MYO3A: variants seen among roughly 807,000 people sequenced by gnomAD.
The protein encoded by MYO3A is myosin IIIA.
MYO3A carries 180 observed loss-of-function variants against 192.7 expected under a neutral mutation model. The ratio of observed to expected loss-of-function variants is 0.93; its 90% confidence interval spans 0.83 to 1.06. The LOEUF (loss-of-function observed/expected upper bound fraction) is 1.06. MYO3A is among the 50% of genes least tolerant of loss of function. The probability of loss-of-function intolerance (pLI) is 0.00; values close to 1 mark genes in which losing one functional copy is unlikely to be tolerated. For synonymous variants in MYO3A, 628 were observed against 645.3 expected (o/e 0.97, Z 0.41); for missense variants, 1,896 against 1,905.0 (o/e 1.00, Z 0.09).
chr10:26,174,480 A>G lies in MYO3A; in HGVS notation c.4216A>G (p.Ile1406Val), dbSNP rs751164801. Reference sequence around the variant, plus strand: ...CACAAAACATGAGGAAATCAATAACATCAAGAAGAAGGATAACAAAGACTC... The same window carrying G: ...CACAAAACATGAGGAAATCAATAACGTCAAGAAGAAGGATAACAAAGACTC... ...YPTKHEEINN[I>V]KKKDNKDSKA... The change falls in exon 30 of 35, where the codon ATC (isoleucine) becomes GTC (valine). Residue 1406 changes from isoleucine to valine, a missense_variant. Ile to Val is a conservative substitution (Grantham distance 29). Coordinates refer to ENST00000642920, the MANE Select transcript of MYO3A (RefSeq NM_017433.5). The G allele has an allele frequency of 1.2e-6, 2 of 1,614,188 alleles. No homozygotes were observed. The highest frequency in any genetic ancestry group is 1.1e-5 in the South Asian group (1 of 91,056).
intron 20 of MYO3A, 151 bp from the exon 21 acceptor site, chr10:26,143,297 C>T (rs2131844665): frequency 1.3e-6 from 1 of 755,800 alleles, no homozygotes; most frequent in South Asian, 1.7e-5. Context: ...CGCCAATATA[C>T]TCCAGCCTGG....
At chr10:26,037,749 G>A (rs1213203726) in intron 10 of MYO3A, among the ~76,000 whole-genome samples, 2 of 152,134 alleles carry the variant, frequency 1.3e-5, no homozygotes, top group Non-Finnish European at 2.9e-5. Context: ...GAGACCTCAG[G>A]AGACTTACCA....
intron 5 of MYO3A, 67 bp from the exon 6 acceptor site, chr10:25,997,091 AC>A: frequency 8.4e-7 from 1 of 1,188,430 alleles, no homozygotes; most frequent in Non-Finnish European, 1.3e-6. Flanking sequence ...TTGTACAGGT[AC>A]ATCATCTGAA....
At chr10:26,018,535 T>C (rs1842103263) in intron 7 of MYO3A, among the ~76,000 whole-genome samples, 1 of 152,190 alleles carries the variant, frequency 6.6e-6, no homozygotes, top group Admixed American at 6.5e-5. Context: ...AAATCAATTA[T>C]CACTTGAAAA....
At chr10:25,963,414 A>G (rs905039266) in intron 4 of MYO3A, among the ~76,000 whole-genome samples, 1 of 152,208 alleles carries the variant, frequency 6.6e-6, no homozygotes, top group Non-Finnish European at 1.5e-5. Flanking sequence ...AATGATAGAA[A>G]GAAGATAAGT....
chr10:26,086,690 A>G (rs372544676), intron 14 of MYO3A, among the ~76,000 whole-genome samples: 1 of 151,982 alleles, frequency 6.6e-6, no homozygotes, highest in Non-Finnish European at 1.5e-5. Context: ...TTGCCCATCA[A>G]CCACCCTCTC....
At chr10:26,191,048 G>A (rs1843101225) in intron 31 of MYO3A, among the ~76,000 whole-genome samples, 1 of 152,006 alleles carries the variant, frequency 6.6e-6, no homozygotes, top group African/African-American at 2.4e-5. Flanking sequence ...TAATATTGAA[G>A]CCAAGTTAAA....
intron 31 of MYO3A, among the ~76,000 whole-genome samples, chr10:26,181,514 T>C (rs763437949): frequency 1.3e-5 from 2 of 151,808 alleles, no homozygotes; most frequent in African/African-American, 2.4e-5. Context: ...TTCGGAAAAA[T>C]AGCACTCTCA....
intron 6 of MYO3A, among the ~76,000 whole-genome samples, chr10:25,999,405 A>G (rs566186849): frequency 6.6e-6 from 1 of 152,276 alleles, no homozygotes; most frequent in South Asian, 2.1e-4. Context: ...CCACAGTAAG[A>G]GGACATGGAT....
intron 31 of MYO3A, among the ~76,000 whole-genome samples, chr10:26,185,273 T>A (rs1589099610): frequency 1.3e-5 from 2 of 149,592 alleles, no homozygotes; most frequent in African/African-American, 4.9e-5. Flanking sequence ...CATGATACAC[T>A]AACATGCATA....
intron 15 of MYO3A, among the ~76,000 whole-genome samples, chr10:26,094,276 T>G (rs1272160109): frequency 6.6e-6 from 1 of 152,178 alleles, no homozygotes; most frequent in Non-Finnish European, 1.5e-5. Context: ...GGCAGAACCT[T>G]GGATCAAAAC....
intron 20 of MYO3A, among the ~76,000 whole-genome samples, chr10:26,138,531 T>A (rs1227723791): frequency 6.6e-6 from 1 of 152,236 alleles, no homozygotes; most frequent in Admixed American, 6.5e-5. Context: ...TATGTTATGA[T>A]AATAATATCA....
At chr10:26,148,065 G>GA (rs1202475260) in intron 23 of MYO3A, among the ~76,000 whole-genome samples, 2 of 152,040 alleles carry the variant, frequency 1.3e-5, no homozygotes, top group Non-Finnish European at 2.9e-5. Context: ...TAGTTTTATT[G>GA]AAGTATAACT....
At chr10:25,959,894 C>T (rs997230224) in intron 4 of MYO3A, among the ~76,000 whole-genome samples, 3 of 151,702 alleles carry the variant, frequency 2.0e-5, no homozygotes, top group Non-Finnish European at 4.4e-5. Flanking sequence ...AAGAGGGTTT[C>T]GAGTCTTTTG....
intron 8 of MYO3A, chr10:26,023,574 T>A (rs2131097149): frequency 5.7e-6 from 1 of 176,564 alleles, no homozygotes; most frequent in South Asian, 1.4e-4. Context: ...GAACAACAAC[T>A]CATAAGGGCA....
intron 14 of MYO3A, among the ~76,000 whole-genome samples, chr10:26,077,399 G>A (rs1370090413): frequency 4.0e-5 from 6 of 151,434 alleles, no homozygotes; most frequent in Non-Finnish European, 8.9e-5. Flanking sequence ...GTTTTCTGGA[G>A]GAGTCCTTAG....
chr10:26,066,982 C>T lies in MYO3A; in HGVS notation c.961C>T (p.Arg321Cys), dbSNP rs754359840. The change falls in exon 11 of 35, where the codon CGT (arginine) becomes TGT (cysteine). Residue 321 changes from arginine (R) to cysteine (C), a missense_variant. Physicochemically the swap from Arg to Cys is radical, Grantham distance 180. Transcript: ENST00000642920. ...MGGTEKARRE[R>C]IHTKKGNFNR... ...AAGCGTTTTTCTCCACAGACGTGAACGTATTCACACGAAGAAAGGGAACTT... is the reference window on the plus strand; with the variant it reads ...AAGCGTTTTTCTCCACAGACGTGAATGTATTCACACGAAGAAAGGGAACTT... 23 of 1,608,450 alleles carry T rather than the reference C, an allele frequency of 1.4e-5. No individual in the cohort carries two copies. The highest frequency in any genetic ancestry group is 7.7e-5 in the South Asian group (7 of 90,990).
chr10:26,132,832 A>C (rs541562286), intron 20 of MYO3A, among the ~76,000 whole-genome samples: 1 of 152,192 alleles, frequency 6.6e-6, no homozygotes, highest in Non-Finnish European at 1.5e-5. Flanking sequence ...AATAACTGCA[A>C]TTATGGCTCT....
chr10:26,123,986 C>G (rs1242872147), intron 18 of MYO3A, among the ~76,000 whole-genome samples: 1 of 151,846 alleles, frequency 6.6e-6, no homozygotes, highest in African/African-American at 2.4e-5. Context: ...GAGTTCGAGG[C>G]CAGCCTGGGC....
Sources: gnomAD v4.1 joint callset for allele counts (sites outside exome capture counted in the v4.1 genomes callset) on GRCh38, gnomAD v4.1.1 for gene constraint, MANE v1.5 for transcripts, NCBI Gene and HGNC (gene_info 2026-07-23, HGNC 2026-07-21) for gene names.